The following GRID2 variants were observed in gnomAD, a reference collection of about 807,000 sequenced individuals.
The protein encoded by GRID2 is glutamate ionotropic receptor delta type subunit 2.
In GRID2, 33 loss-of-function variants were observed where a neutral mutation model predicts 114.8. The ratio of observed to expected loss-of-function variants is 0.29; its 90% CI spans 0.22 to 0.38. The LOEUF (loss-of-function observed/expected upper bound fraction) is 0.38, where lower values mean the gene tolerates loss of function less well. Among genes scored for constraint, GRID2 ranks in the 10% least tolerant of loss-of-function variants. The pLI, the probability that GRID2 is intolerant of heterozygous loss-of-function variation, is 1.00. For missense variants in GRID2, 1,184 were observed against 1,257.7 expected (o/e 0.94, Z 0.89); for synonymous variants, 505 against 449.9 (o/e 1.12, Z -1.55).
intron 1 of GRID2, among the ~76,000 whole-genome samples, chr4:92,530,000 G>A (rs1176779695): frequency 4.0e-5 from 6 of 151,676 alleles, no homozygotes; most frequent in Non-Finnish European, 2.9e-5. Flanking sequence ...TGGAGTATAT[G>A]TATAGAGTGT....
intron 4 of GRID2, among the ~76,000 whole-genome samples, chr4:93,141,933 C>G (rs955491615): frequency 6.6e-6 from 1 of 152,190 alleles, no homozygotes; most frequent in Non-Finnish European, 1.5e-5. Flanking sequence ...AATAGTACCA[C>G]TTGTGGTTTA....
At chr4:93,229,152 G>T (rs1745826729) in intron 7 of GRID2, among the ~76,000 whole-genome samples, 1 of 151,882 alleles carries the variant, frequency 6.6e-6, no homozygotes, top group Non-Finnish European at 1.5e-5. Flanking sequence ...CTTTAAAAAT[G>T]GATTTTTAGA....
intron 2 of GRID2, among the ~76,000 whole-genome samples, chr4:92,923,405 G>C (rs967786504): frequency 6.6e-6 from 1 of 151,924 alleles, no homozygotes; most frequent in African/African-American, 2.4e-5. Flanking sequence ...TTGCTTTATT[G>C]TTGTAATCTT....
At chr4:93,323,337 G>C (rs930229085) in intron 8 of GRID2, among the ~76,000 whole-genome samples, 1 of 152,130 alleles carries the variant, frequency 6.6e-6, no homozygotes, top group African/African-American at 2.4e-5. Context: ...TGTCAGGTTT[G>C]TCAAAGATCA....
chr4:93,679,321 T>C (rs1181843747), intron 14 of GRID2, among the ~76,000 whole-genome samples: 1 of 150,774 alleles, frequency 6.6e-6, no homozygotes, highest in African/African-American at 2.5e-5. Context: ...TCCCACCCAA[T>C]AATAATGGGA....
chr4:93,124,300 C>T (rs1202943207), intron 4 of GRID2, among the ~76,000 whole-genome samples: 1 of 152,118 alleles, frequency 6.6e-6, no homozygotes, highest in African/African-American at 2.4e-5. Flanking sequence ...CCTCTTTGAG[C>T]TCTGCTCCTA....
chr4:92,384,528 A>ATTATGTT (rs1485827197), intron 1 of GRID2, among the ~76,000 whole-genome samples: 2 of 35,390 alleles, frequency 5.7e-5, no homozygotes, highest in African/African-American at 2.2e-4. Flanking sequence ...TATATAATAT[A>ATTATGTT]ATATATAATA....
chr4:92,589,888 T>G (rs1359894354), intron 1 of GRID2, among the ~76,000 whole-genome samples: 2 of 152,156 alleles, frequency 1.3e-5, no homozygotes, highest in Non-Finnish European at 2.9e-5. Context: ...TATGTTTTCT[T>G]CCCCATGACC....
chr4:93,385,717 T>TA (rs11414956), intron 8 of GRID2, among the ~76,000 whole-genome samples: 25,786 of 151,440 alleles, frequency 0.17, 3,860 homozygotes, highest in African/African-American at 0.41. Context: ...TCTGATAATA[T>TA]AAAAAAAAAT....
intron 13 of GRID2, among the ~76,000 whole-genome samples, chr4:93,526,037 A>T (rs866953279): frequency 2.2e-4 from 33 of 152,186 alleles, no homozygotes; most frequent in African/African-American, 7.5e-4. Flanking sequence ...AATACCAAAA[A>T]TTAAAAATTA....
At chr4:92,794,897 T>TACACAC (rs1560596318) in intron 2 of GRID2, among the ~76,000 whole-genome samples, 2 of 139,790 alleles carry the variant, frequency 1.4e-5, no homozygotes, top group African/African-American at 5.3e-5. Context: ...TATATATATA[T>TACACAC]ATATATATAC....
intron 1 of GRID2, among the ~76,000 whole-genome samples, chr4:92,437,827 T>G (rs1732812486): frequency 6.6e-6 from 1 of 152,220 alleles, no homozygotes; most frequent in Non-Finnish European, 1.5e-5. Context: ...AACCACCACT[T>G]TAAGAATTAA....
chr4:93,282,721 A>G (rs1752776454), intron 8 of GRID2, among the ~76,000 whole-genome samples: 1 of 152,076 alleles, frequency 6.6e-6, no homozygotes, highest in Non-Finnish European at 1.5e-5. Flanking sequence ...TGTGTTATTT[A>G]TAAAGGAAAA....
intron 11 of GRID2, among the ~76,000 whole-genome samples, chr4:93,474,166 C>T (rs1560657719): frequency 2.0e-5 from 3 of 151,998 alleles, no homozygotes; most frequent in Admixed American, 1.3e-4. Context: ...AGTTTATATA[C>T]TACTACTAAA....
intron 4 of GRID2, among the ~76,000 whole-genome samples, chr4:93,200,798 A>T (rs1385325300): frequency 6.6e-6 from 1 of 152,212 alleles, no homozygotes; most frequent in South Asian, 2.1e-4. Flanking sequence ...TATAGTCTAC[A>T]TGTTCCAAAC....
rs374425102 is a variant in GRID2 at position 93,184,858 on chromosome 4, G to C, written c.736-22546G>C. On this transcript the variant is annotated intron_variant, in intron 4 of 15. Coordinates refer to ENST00000282020, the MANE Select transcript of GRID2 (RefSeq NM_001510.4). ...GATTGCACCTCTGCACTCCAGCCTG[G>C]GCAACAGAGCAAGACTCTGTCTGAA... Among the ~76,000 whole-genome samples the C allele has an allele frequency of 5.5e-4, 84 of 152,002 alleles. 2 individuals carry two copies. In the East Asian group the frequency reaches 0.014, roughly 25 times the overall value.
At chr4:92,777,226 T>C (rs1353004845) in intron 2 of GRID2, among the ~76,000 whole-genome samples, 3 of 152,056 alleles carry the variant, frequency 2.0e-5, no homozygotes, top group Admixed American at 6.6e-5. Context: ...CTCAGTATTG[T>C]GCTGAATTAA....
chr4:93,238,622 G>A, intron 8 of GRID2, 132 bp downstream of exon 8: 3 of 568,434 alleles, frequency 5.3e-6, no homozygotes, highest in Non-Finnish European at 5.9e-6. Context: ...GGGGGTGAGG[G>A]GAAATTAGGC....
At chr4:93,713,074 G>A (rs79189734) in intron 14 of GRID2, among the ~76,000 whole-genome samples, 6,418 of 151,990 alleles carry the variant, frequency 0.042, 220 homozygotes, top group African/African-American at 0.085. Context: ...TTTACCTTTT[G>A]GGTTCTTGAA....
Sources: gnomAD v4.1 joint callset for allele counts (sites outside exome capture counted in the v4.1 genomes callset) on GRCh38, gnomAD v4.1.1 for gene constraint, MANE v1.5 for transcripts, NCBI Gene and HGNC (gene_info 2026-07-23, HGNC 2026-07-21) for gene names.